CTNNA3: variants seen among roughly 807,000 people sequenced by gnomAD.
CTNNA3 encodes the protein catenin alpha 3, also known as catenin alpha-3.
In CTNNA3, 76 loss-of-function variants were observed where a neutral mutation model predicts 95.7. The ratio of observed to expected loss-of-function variants is 0.79; its 90% CI spans 0.66 to 0.96. The LOEUF is 0.96. Ranked by LOEUF, CTNNA3 falls within the 40% of genes least tolerant of loss-of-function variation. The pLI is 0.00. For synonymous variants in CTNNA3, 431 were observed against 374.4 expected (o/e 1.15, Z -1.74); for missense variants, 1,191 against 1,089.8 (o/e 1.09, Z -1.31).
intron 14 of CTNNA3, among the ~76,000 whole-genome samples, chr10:66,092,254 A>G (rs2081240277): frequency 6.6e-6 from 1 of 151,978 alleles, no homozygotes; most frequent in Non-Finnish European, 1.5e-5. Flanking sequence ...AAATAATAGC[A>G]ATGGTTTTTA....
At chr10:67,124,727 C>T (rs1440100480) in intron 7 of CTNNA3, among the ~76,000 whole-genome samples, 1 of 152,102 alleles carries the variant, frequency 6.6e-6, no homozygotes, top group Admixed American at 6.5e-5. Context: ...TCATTTATAG[C>T]CTATTCAAAA....
intron 15 of CTNNA3, among the ~76,000 whole-genome samples, chr10:65,999,351 T>C (rs1177460254): frequency 6.6e-6 from 1 of 152,124 alleles, no homozygotes; most frequent in African/African-American, 2.4e-5. Flanking sequence ...TGATAGACAG[T>C]GTTATATCTA....
chr10:66,546,595 G>A (rs1191751504), intron 10 of CTNNA3, among the ~76,000 whole-genome samples: 2 of 152,142 alleles, frequency 1.3e-5, no homozygotes, highest in Non-Finnish European at 2.9e-5. Context: ...TGAAGGGGAA[G>A]CAAGGCACCT....
At chr10:67,091,544 T>G (rs1857640834) in intron 7 of CTNNA3, among the ~76,000 whole-genome samples, 1 of 152,088 alleles carries the variant, frequency 6.6e-6, no homozygotes, top group Admixed American at 6.6e-5. Context: ...ACATATTGCT[T>G]ACATTTAAAT....
At chr10:67,517,435 A>G (rs1839852038) in intron 5 of CTNNA3, among the ~76,000 whole-genome samples, 1 of 151,900 alleles carries the variant, frequency 6.6e-6, no homozygotes, top group African/African-American at 2.4e-5. Flanking sequence ...TTTAAATTCA[A>G]TTTTTATCCT....
chr10:66,916,794 A>G (rs564451374), intron 7 of CTNNA3, among the ~76,000 whole-genome samples: 2 of 152,298 alleles, frequency 1.3e-5, no homozygotes, highest in Admixed American at 1.3e-4. Context: ...GAGTTGGAGA[A>G]TTGGTTGGTA....
chr10:66,908,862 T>C (rs1013075104), intron 7 of CTNNA3, among the ~76,000 whole-genome samples: 12 of 152,074 alleles, frequency 7.9e-5, no homozygotes, highest in Non-Finnish European at 1.6e-4. Flanking sequence ...CCAGATTAGA[T>C]TGTAAACGCC....
chr10:66,654,150 A>G (rs1845998894), intron 9 of CTNNA3, among the ~76,000 whole-genome samples: 1 of 152,132 alleles, frequency 6.6e-6, no homozygotes, highest in Non-Finnish European at 1.5e-5. Flanking sequence ...CAAGGAAATA[A>G]TTAACAGAGT....
At position 67,568,093 on chromosome 10, in the gene CTNNA3, G is replaced by T. The variant is rs529476054; in HGVS notation, c.293-28424C>A. Among the ~76,000 whole-genome samples the T allele has an allele frequency of 1.1e-4, 17 of 152,152 alleles. No individual in the cohort carries two copies. The East Asian group carries it at 2.1e-3, about 19-fold the overall frequency. On this transcript the variant is annotated intron_variant, in intron 3 of 17. Transcript: ENST00000433211. ...AGGGGACTTTCTCTCTCCCTTGTGA[G>T]TAGTAAACTTTGGGTTAAAAAATGT... is the stretch of plus-strand genomic sequence containing the variant.
At chr10:65,925,468 G>A (rs775830783) in intron 17 of CTNNA3, among the ~76,000 whole-genome samples, 8 of 151,792 alleles carry the variant, frequency 5.3e-5, no homozygotes, top group South Asian at 2.1e-4. Context: ...AAGGGGTCTC[G>A]CTCTGTTGTC....
intron 9 of CTNNA3, among the ~76,000 whole-genome samples, chr10:66,742,392 T>C (rs1465989880): frequency 6.6e-6 from 1 of 152,144 alleles, no homozygotes; most frequent in African/African-American, 2.4e-5. Context: ...TGCCCGAAAC[T>C]TCATTATCAA....
chr10:67,697,010 T>C (rs942262050), upstream of CTNNA3, among the ~76,000 whole-genome samples: 1 of 152,170 alleles, frequency 6.6e-6, no homozygotes, highest in Non-Finnish European at 1.5e-5. Flanking sequence ...GAATTCAAAA[T>C]AAAAAGAAAG....
intron 9 of CTNNA3, among the ~76,000 whole-genome samples, chr10:66,646,444 T>A (rs908609320): frequency 6.6e-6 from 1 of 152,086 alleles, no homozygotes; most frequent in African/African-American, 2.4e-5. Flanking sequence ...ATTATAATAG[T>A]GCTGACCTTT....
Position 67,509,523 on chromosome 10 carries a change from A to T in CTNNA3, c.579+12319T>A, listed in dbSNP as rs565863048. On this transcript the variant is annotated intron_variant, in intron 5 of 17. Coordinates refer to ENST00000433211, the MANE Select transcript of CTNNA3 (RefSeq NM_013266.4). ...ATGTCCCTGCAAAGGACATGAACTC[A>T]TCCTTTTTTATGGCTGTATAGTATT... Among the ~76,000 whole-genome samples the T allele has an allele frequency of 1.3e-4, 20 of 152,198 alleles. 1 individual carries two copies. Among genetic ancestry groups the T allele is most frequent in the African/African-American group, 4.6e-4 (19 of 41,512 alleles).
At chr10:66,866,596 C>T (rs1018356397) in intron 7 of CTNNA3, among the ~76,000 whole-genome samples, 1 of 152,082 alleles carries the variant, frequency 6.6e-6, no homozygotes, top group Non-Finnish European at 1.5e-5. Context: ...TTTGACTCTA[C>T]AAAATATAAA....
chr10:66,981,184 G>A (rs867594130), intron 7 of CTNNA3, among the ~76,000 whole-genome samples: 4 of 152,182 alleles, frequency 2.6e-5, no homozygotes, highest in East Asian at 3.9e-4. Flanking sequence ...GATTACAGGC[G>A]TGAGCCACCG....
intron 10 of CTNNA3, among the ~76,000 whole-genome samples, chr10:66,606,683 A>G (rs1163277363): frequency 6.6e-6 from 1 of 152,186 alleles, no homozygotes; most frequent in East Asian, 1.9e-4. Context: ...TTTTGGGTAA[A>G]TAATGAAATT....
chr10:67,126,793 T>C (rs1213451669), intron 7 of CTNNA3, among the ~76,000 whole-genome samples: 5 of 152,210 alleles, frequency 3.3e-5, no homozygotes, highest in Non-Finnish European at 7.3e-5. Context: ...TTGTACCAAA[T>C]GTAACCTAAT....
At chr10:67,590,122 C>G (rs542099854) in intron 3 of CTNNA3, among the ~76,000 whole-genome samples, 1 of 151,988 alleles carries the variant, frequency 6.6e-6, no homozygotes, top group Non-Finnish European at 1.5e-5. Flanking sequence ...TTATCTGTTA[C>G]AATACTCTGT....
Sources: allele counts gnomAD v4.1 joint callset (sites outside exome capture counted in the v4.1 genomes callset), GRCh38; gene constraint gnomAD v4.1.1; transcripts MANE v1.5; gene names NCBI Gene and HGNC (gene_info 2026-07-23, HGNC 2026-07-21).